Variants in HUWE1 observed in about 807,000 individuals in gnomAD.
The protein encoded by HUWE1 is HECT, UBA and WWE domain containing E3 ubiquitin protein ligase 1.
In HUWE1, 18 loss-of-function variants were observed where a neutral mutation model predicts 299.4. The ratio of observed to expected loss-of-function variants is 0.06; its 90% CI spans 0.04 to 0.09. The LOEUF is 0.09. HUWE1 is among the 10% of genes least tolerant of loss of function. HUWE1 has a pLI of 1.00. For synonymous variants in HUWE1, 1,317 were observed against 1,286.1 expected (o/e 1.02, Z -0.51); for missense variants, 1,832 against 3,462.3 (o/e 0.53, Z 11.82).
intron 19 of HUWE1, among the ~76,000 whole-genome samples, chrX:53,623,299 C>G (rs1223224850): frequency 9.0e-6 from 1 of 111,448 alleles, no homozygotes; most frequent in Non-Finnish European, 1.9e-5. Context: ...TCTGGACTTT[C>G]TCCCAGAAGA....
At chrX:53,619,590 GAAAAAAAAA>G (rs35685121) in intron 19 of HUWE1, among the ~76,000 whole-genome samples, 2 of 41,166 alleles carry the variant, frequency 4.9e-5, no homozygotes, top group South Asian at 4.0e-3. Flanking sequence ...AGAAATAGAA[GAAAAAAAAA>G]AAAAAAAAAA....
chrX:53,627,058 G>A (rs2066558657), intron 17 of HUWE1, among the ~76,000 whole-genome samples: 1 of 111,154 alleles, frequency 9.0e-6, no homozygotes, highest in African/African-American at 3.3e-5. Flanking sequence ...ATCAGGCACT[G>A]CGGCAGTGAA....
intron 16 of HUWE1, 22 bp from the exon 17 acceptor site, chrX:53,627,537 T>C (rs782002738): frequency 2.0e-6 from 2 of 1,017,706 alleles, no homozygotes; most frequent in Non-Finnish European, 2.7e-6. Flanking sequence ...AGAAAGGTTA[T>C]AAGAAAATCA....
Position 53,681,370 on chromosome X carries a change from G to C in HUWE1, c.-162-1184C>G, listed in dbSNP as rs1231102885. 3.7e-5 allele frequency among the ~76,000 whole-genome samples: 4 copies of C among 106,828 alleles called. No individual in the cohort carries two copies. The Admixed American group carries it at 4.0e-4, about 11-fold the overall frequency. The allele number at this position is 106,828 out of a possible 115,157, so 92.8% of individuals were successfully genotyped here. Reference sequence around the variant, plus strand: ...AATCGCTTGAACCCAGGAGGCGGAGGTTGCAGTGAGCCGAGATCGCGCCAC... The same window carrying C: ...AATCGCTTGAACCCAGGAGGCGGAGCTTGCAGTGAGCCGAGATCGCGCCAC... On this transcript the variant is annotated intron_variant, in intron 2 of 83. Coordinates refer to ENST00000262854, the MANE Select transcript of HUWE1 (RefSeq NM_031407.7).
intron 63 of HUWE1, 118 bp from the exon 64 acceptor site, chrX:53,551,598 G>C (rs1183680279): frequency 3.1e-6 from 2 of 644,212 alleles, no homozygotes; most frequent in African/African-American, 4.3e-5. Flanking sequence ...CTGCAGTGTT[G>C]AGCTCCTGGG....
chrX:53,568,513 T>C (rs1016218878), intron 49 of HUWE1, among the ~76,000 whole-genome samples, 179 bp downstream of exon 49: 17 of 110,998 alleles, frequency 1.5e-4, no homozygotes, highest in African/African-American at 6.6e-5. Flanking sequence ...GTTCAACTCT[T>C]GAGTTTATAG....
chrX:53,559,690 A>G (rs1381358790), intron 56 of HUWE1, among the ~76,000 whole-genome samples, 158 bp from the exon 57 acceptor site: 1 of 111,905 alleles, frequency 8.9e-6, no homozygotes, highest in African/African-American at 3.3e-5. Context: ...TCTGAATACC[A>G]CCCTGGTTTT....
chrX:53,540,501 GTA>G (rs1394576819), intron 74 of HUWE1, among the ~76,000 whole-genome samples: 1 of 111,475 alleles, frequency 9.0e-6, no homozygotes, highest in Non-Finnish European at 1.9e-5. Context: ...GCTGATTTTT[GTA>G]TTTTTAGTAG....
intron 82 of HUWE1, 106 bp downstream of exon 82, chrX:53,534,410 A>G: frequency 2.6e-6 from 2 of 770,142 alleles, no homozygotes; most frequent in Non-Finnish European, 3.9e-6. Flanking sequence ...ACTGTCTTCT[A>G]CATGCAACTT....
rs1287755753 is a variant in HUWE1, at chrX:53,532,377, C to G, written c.*932G>C. 9.0e-6 allele frequency: 1 copy of G among 111,542 alleles called. No individual in the cohort carries two copies. The highest frequency in any genetic ancestry group is 1.9e-5 in the Non-Finnish European group (1 of 53,127). 9.2% of individuals were successfully genotyped at this position (111,542 alleles called of 1,213,427 possible). On this transcript the variant is annotated 3_prime_UTR_variant, in exon 84 of 84. Transcript: ENST00000262854. ...ACATTAATGAAATAAAAATCTAAAACTGAGCCCCAGACTCAAGACTACTAG... is the reference window on the plus strand; with the variant it reads ...ACATTAATGAAATAAAAATCTAAAAGTGAGCCCCAGACTCAAGACTACTAG...
intron 43 of HUWE1, among the ~76,000 whole-genome samples, chrX:53,578,520 C>A (rs1477116188): frequency 1.0e-5 from 1 of 95,930 alleles, no homozygotes; most frequent in Non-Finnish European, 2.1e-5. Flanking sequence ...CCGCCCAGTC[C>A]GGGAGGGAGG....
intron 7 of HUWE1, among the ~76,000 whole-genome samples, chrX:53,638,323 G>C (rs2067350771): frequency 9.0e-6 from 1 of 111,216 alleles, no homozygotes; most frequent in African/African-American, 3.3e-5. Context: ...CTGGGGGACA[G>C]AGCGAGACTC....
intron 7 of HUWE1, among the ~76,000 whole-genome samples, chrX:53,643,650 C>A (rs2067768452): frequency 9.0e-6 from 1 of 111,491 alleles, no homozygotes; most frequent in South Asian, 3.7e-4. Context: ...CCACGCCTGG[C>A]CTCACCAATC....
chrX:53,537,983 T>G (rs782384498), intron 77 of HUWE1, among the ~76,000 whole-genome samples: 2 of 111,608 alleles, frequency 1.8e-5, no homozygotes, highest in Non-Finnish European at 3.8e-5. Flanking sequence ...AGGAGAGGCA[T>G]AGGGATGACT....
chrX:53,568,583 G>A, intron 49 of HUWE1, 109 bp downstream of exon 49: 1 of 647,665 alleles, frequency 1.5e-6, no homozygotes, highest in South Asian at 2.9e-5. Flanking sequence ...AGAAAGACTT[G>A]GGTCTCCCAC....
intron 7 of HUWE1, among the ~76,000 whole-genome samples, chrX:53,637,101 G>C (rs1269354158): frequency 9.0e-6 from 1 of 111,698 alleles, no homozygotes; most frequent in African/African-American, 3.3e-5. Flanking sequence ...TACCTTAATT[G>C]CCTCCCAAAG....
At chrX:53,604,119 C>G (rs1460547581) in intron 26 of HUWE1, among the ~76,000 whole-genome samples, 1 of 111,813 alleles carries the variant, frequency 8.9e-6, no homozygotes, top group African/African-American at 3.3e-5. Context: ...AATCAATTAT[C>G]TGAGGAATAA....
chrX:53,662,282 TACTC>T (rs782469731), intron 3 of HUWE1, among the ~76,000 whole-genome samples: 25 of 112,031 alleles, frequency 2.2e-4, no homozygotes, highest in Middle Eastern at 9.2e-3. Flanking sequence ...CTATATCACT[TACTC>T]ACTGCATAAC....
At chrX:53,593,189 G>A (rs1556980949) in intron 32 of HUWE1, among the ~76,000 whole-genome samples, 175 bp downstream of exon 32, 2 of 112,456 alleles carry the variant, frequency 1.8e-5, no homozygotes. Context: ...CAGCTCAAAT[G>A]TTTATCACGG....
Sources: gnomAD v4.1 joint callset for allele counts (sites outside exome capture counted in the v4.1 genomes callset) on GRCh38, gnomAD v4.1.1 for gene constraint, MANE v1.5 for transcripts, NCBI Gene and HGNC (gene_info 2026-07-23, HGNC 2026-07-21) for gene names.